SLC24A3: variants seen among roughly 807,000 people sequenced by gnomAD.
The protein encoded by SLC24A3 is solute carrier family 24 member 3, also known as sodium/potassium/calcium exchanger 3.
SLC24A3 carries 28 observed loss-of-function variants against 75.8 expected under a neutral mutation model. The observed-to-expected ratio is 0.37, with a 90% CI of 0.27 to 0.51. SLC24A3 has a LOEUF of 0.51. SLC24A3 is among the 20% of genes least tolerant of loss of function. SLC24A3 has a pLI of 0.94. For missense variants in SLC24A3, 663 were observed against 847.8 expected, an observed-to-expected ratio of 0.78 and a Z score of 2.71; for synonymous variants, 372 against 334.1, an observed-to-expected ratio of 1.11 and a Z score of -1.24.
intron 6 of SLC24A3, among the ~76,000 whole-genome samples, chr20:19,620,963 T>G (rs1414533236): frequency 6.6e-6 from 1 of 152,202 alleles, no homozygotes; most frequent in Non-Finnish European, 1.5e-5. Flanking sequence ...GGCTTCTTAC[T>G]AGAAAAGTAA....
intron 2 of SLC24A3, among the ~76,000 whole-genome samples, chr20:19,328,355 T>C (rs939581929): frequency 3.3e-5 from 5 of 151,958 alleles, no homozygotes; most frequent in African/African-American, 1.2e-4. Context: ...CAGGCATACA[T>C]TGTTAAAGGA....
intron 1 of SLC24A3, among the ~76,000 whole-genome samples, chr20:19,277,353 G>A (rs1342378130): frequency 6.6e-6 from 1 of 152,214 alleles, no homozygotes; most frequent in African/African-American, 2.4e-5. Flanking sequence ...GTGAATGGAA[G>A]CCATGCTAAC....
chr20:19,653,109 G>A (rs1374242977), intron 6 of SLC24A3, among the ~76,000 whole-genome samples: 2 of 152,178 alleles, frequency 1.3e-5, no homozygotes, highest in East Asian at 1.9e-4. Context: ...CTTAATAAGA[G>A]ACTTAGAAGA....
chr20:19,235,046 C>T (rs1453115707), intron 1 of SLC24A3, among the ~76,000 whole-genome samples: 1 of 152,216 alleles, frequency 6.6e-6, no homozygotes, highest in Non-Finnish European at 1.5e-5. Context: ...CCCACTCCGG[C>T]TATTTTCTAC....
intron 12 of SLC24A3, among the ~76,000 whole-genome samples, chr20:19,690,544 G>A (rs1240502511): frequency 2.0e-5 from 3 of 151,954 alleles, no homozygotes; most frequent in Admixed American, 6.6e-5. Context: ...AAACTAAACC[G>A]AGTTACTCTG....
intron 12 of SLC24A3, among the ~76,000 whole-genome samples, chr20:19,692,678 C>T (rs2122133702): frequency 6.6e-6 from 1 of 152,218 alleles, no homozygotes; most frequent in East Asian, 1.9e-4. Flanking sequence ...AATATGTATG[C>T]ATATTTATTT....
At chr20:19,591,787 G>T (rs191936871) in intron 6 of SLC24A3, among the ~76,000 whole-genome samples, 1 of 152,166 alleles carries the variant, frequency 6.6e-6, no homozygotes, top group East Asian at 1.9e-4. Flanking sequence ...CTTCCACCTC[G>T]AATACACAGT....
chr20:19,299,612 G>C (rs1327724348), intron 2 of SLC24A3, among the ~76,000 whole-genome samples: 2 of 152,192 alleles, frequency 1.3e-5, no homozygotes, highest in African/African-American at 4.8e-5. Flanking sequence ...AAAAGTAAAA[G>C]AGTTATTTCT....
At chr20:19,398,764 G>A (rs1986499599) in intron 2 of SLC24A3, among the ~76,000 whole-genome samples, 1 of 152,140 alleles carries the variant, frequency 6.6e-6, no homozygotes, top group Non-Finnish European at 1.5e-5. Context: ...CCATATCTGG[G>A]AAATGCATTT....
chr20:19,510,995 G>T (rs563873004), intron 2 of SLC24A3, among the ~76,000 whole-genome samples: 1 of 152,302 alleles, frequency 6.6e-6, no homozygotes, highest in South Asian at 2.1e-4. Context: ...GTGTTGAAGG[G>T]TCAGTGCCTT....
At chr20:19,572,938 A>G (rs755578774) in intron 3 of SLC24A3, among the ~76,000 whole-genome samples, 1 of 152,214 alleles carries the variant, frequency 6.6e-6, no homozygotes, top group Non-Finnish European at 1.5e-5. Flanking sequence ...GATCACTTGA[A>G]ACTATGAAAA....
intron 10 of SLC24A3, 86 bp downstream of exon 10, chr20:19,682,077 TC>T (rs2032621837): frequency 7.0e-7 from 1 of 1,419,884 alleles, no homozygotes; most frequent in Non-Finnish European, 9.6e-7. Flanking sequence ...ACATGGCAAA[TC>T]CCCATCTTTA....
Position 19,627,934 on chromosome 20 carries a change from A to C in SLC24A3, c.613-26128A>C, listed in dbSNP as rs1321349. On this transcript the variant is annotated intron_variant, in intron 6 of 16. Coordinates refer to ENST00000328041, the MANE Select transcript of SLC24A3 (RefSeq NM_020689.4). ...TACCCTCAGCTGGGAGTTGTGGCTC[A>C]CTCCTGTAATCCCAGAACTTTGGGA... Among the ~76,000 whole-genome samples the C allele has an allele frequency of 0.017, 2,613 of 152,092 alleles. 223 individuals are homozygous for C. The East Asian group carries it at 0.27, about 16-fold the overall frequency.
intron 2 of SLC24A3, among the ~76,000 whole-genome samples, chr20:19,507,246 C>T (rs1490604943): frequency 1.3e-5 from 2 of 152,178 alleles, no homozygotes; most frequent in East Asian, 1.9e-4. Flanking sequence ...TATCCTACAA[C>T]CTTAACCTCC....
intron 2 of SLC24A3, among the ~76,000 whole-genome samples, chr20:19,284,910 T>G (rs1184814766): frequency 6.6e-6 from 1 of 152,190 alleles, no homozygotes; most frequent in African/African-American, 2.4e-5. Flanking sequence ...TCCAAGAAAT[T>G]TCAAGAATAG....
At chr20:19,311,325 C>G (rs1984452518) in intron 2 of SLC24A3, among the ~76,000 whole-genome samples, 1 of 151,990 alleles carries the variant, frequency 6.6e-6, no homozygotes, top group African/African-American at 2.4e-5. Context: ...TGTGGTGGAT[C>G]ATTCCAGGGC....
chr20:19,588,721 C>G (rs563495529), intron 6 of SLC24A3, among the ~76,000 whole-genome samples: 59 of 152,328 alleles, frequency 3.9e-4, no homozygotes, highest in African/African-American at 1.3e-3. Context: ...ATGCAACATA[C>G]TAATGTATCT....
At chr20:19,664,632 T>C (rs2032376292) in intron 7 of SLC24A3, among the ~76,000 whole-genome samples, 1 of 152,220 alleles carries the variant, frequency 6.6e-6, no homozygotes, top group Non-Finnish European at 1.5e-5. Context: ...GCCCGCTTTG[T>C]TAACTGAGTT....
At chr20:19,655,443 G>A (rs1771226718) in intron 7 of SLC24A3, among the ~76,000 whole-genome samples, 1 of 152,148 alleles carries the variant, frequency 6.6e-6, no homozygotes, top group African/African-American at 2.4e-5. Flanking sequence ...TAGGAGTCGG[G>A]AGATCTGACT....
Sources: gnomAD v4.1 joint callset for allele counts (sites outside exome capture counted in the v4.1 genomes callset) on GRCh38, gnomAD v4.1.1 for gene constraint, MANE v1.5 for transcripts, NCBI Gene and HGNC (gene_info 2026-07-23, HGNC 2026-07-21) for gene names.